Variants in CFAP58 observed in about 807,000 individuals in gnomAD.
CFAP58 encodes cilia- and flagella-associated protein 58.
Under a neutral mutation model 119.5 loss-of-function variants are expected in CFAP58, and 88 were observed. The ratio of observed to expected loss-of-function variants is 0.74; its 90% CI spans 0.62 to 0.88. The LOEUF is 0.88. CFAP58 is among the 40% of genes least tolerant of loss of function. The pLI is 0.00. For missense variants in CFAP58, 990 were observed against 1,021.2 expected, an observed-to-expected ratio of 0.97 and a Z score of 0.42; for synonymous variants, 365 against 366.3, an observed-to-expected ratio of 1.00 and a Z score of 0.04.
chr10:104,388,135 GAACACAA>G (rs1460513362), intron 9 of CFAP58, among the ~76,000 whole-genome samples: 1 of 152,116 alleles, frequency 6.6e-6, no homozygotes, highest in Non-Finnish European at 1.5e-5. Flanking sequence ...GGAATCAAGG[GAACACAA>G]ATTATAAGCT....
At chr10:104,372,224 G>A (rs2014833917) in intron 7 of CFAP58, among the ~76,000 whole-genome samples, 2 of 152,232 alleles carry the variant, frequency 1.3e-5, no homozygotes, top group South Asian at 4.2e-4. Context: ...ATGGTAGCGG[G>A]TGCCTGTAAT....
At chr10:104,397,487 G>A (rs1201769519) in intron 11 of CFAP58, among the ~76,000 whole-genome samples, 1 of 152,206 alleles carries the variant, frequency 6.6e-6, no homozygotes, top group African/African-American at 2.4e-5. Flanking sequence ...AGTCTGAGGT[G>A]TAGAATTAAT....
chr10:104,364,868 G>C lies in CFAP58; in HGVS notation c.576G>C (p.Glu192Asp). ...AGGAAACAGAGCGATCAAAAGAGGA[G>C]GCTGAACATGCCATCAGTCAGGTCT... ...QQQETERSKE[E>D]AEHAISQFQQ... The change falls in exon 4 of 18, where the codon GAG (glutamate) becomes GAC (aspartate). Residue 192 changes from glutamate to aspartate, a missense_variant. By Grantham distance (45) the Glu-to-Asp change is conservative. Transcript: ENST00000369704. The C allele has an allele frequency of 6.2e-7, 1 of 1,611,360 alleles. No homozygotes were observed. The highest frequency in any genetic ancestry group is 1.1e-5 in the South Asian group (1 of 90,846).
chr10:104,371,146 C>G, intron 7 of CFAP58, 92 bp downstream of exon 7: 1 of 1,242,444 alleles, frequency 8.0e-7, no homozygotes. Flanking sequence ...CCAAACACAA[C>G]CTATGCCAAA....
At chr10:104,361,762 T>A (rs2014668768) in intron 2 of CFAP58, among the ~76,000 whole-genome samples, 1 of 152,236 alleles carries the variant, frequency 6.6e-6, no homozygotes, top group Admixed American at 6.5e-5. Context: ...TGCAGCTCAC[T>A]GCAGCCTCAA....
rs112168082 is a variant in CFAP58, at chr10:104,392,264, G to A, written c.1397G>A (p.Arg466His). 5.8e-5 allele frequency: 93 copies of A among 1,611,712 alleles called. No individual in the cohort carries two copies. Among genetic ancestry groups the A allele is most frequent in the South Asian group, 1.1e-4 (10 of 90,512 alleles). Reference protein sequence around the residue: ...VLMNMEDIKVRETQIFDYRKK... With the variant: ...VLMNMEDIKVHETQIFDYRKK... ...ATGAACATGGAAGACATAAAAGTTC[G>A]TGAAACACAGATTTTTGACTACAGG... The change falls in exon 10 of 18, where the codon CGT becomes CAT. Residue 466 changes from arginine (R) to histidine (H), a missense_variant. Physicochemically the swap from Arg to His is conservative, Grantham distance 29. Coordinates refer to ENST00000369704, the MANE Select transcript of CFAP58 (RefSeq NM_001008723.2).
Position 104,389,884 on chromosome 10 carries a change from G to A in CFAP58, c.1366-2349G>A, listed in dbSNP as rs916061265. ...AAAGATATAGGCCTAGCTCACTTGGGAAAATGCATGCAGAATCCTAAATGA... is the reference window on the plus strand; with the variant it reads ...AAAGATATAGGCCTAGCTCACTTGGAAAAATGCATGCAGAATCCTAAATGA... On this transcript the variant is annotated intron_variant, in intron 9 of 17. Transcript: ENST00000369704. 4.6e-5 allele frequency among the ~76,000 whole-genome samples: 7 copies of A among 152,114 alleles called. 1 individual carries two copies. The highest frequency in any genetic ancestry group is 2.0e-4 in the Admixed American group (3 of 15,270).
upstream of CFAP58, among the ~76,000 whole-genome samples, chr10:104,352,843 A>G (rs1310870309): frequency 6.6e-6 from 1 of 152,268 alleles, no homozygotes; most frequent in Non-Finnish European, 1.5e-5. Flanking sequence ...AATCGCAACG[A>G]GGACAGATCC....
chr10:104,404,293 C>T (rs11192041), intron 14 of CFAP58, among the ~76,000 whole-genome samples: 4,709 of 152,220 alleles, frequency 0.031, 249 homozygotes, highest in African/African-American at 0.11. Context: ...GAAAGCATTG[C>T]GTTAGCCAAG....
chr10:104,375,218 A>G (rs1026901154), intron 7 of CFAP58, among the ~76,000 whole-genome samples: 2 of 150,482 alleles, frequency 1.3e-5, no homozygotes, highest in South Asian at 4.1e-4. Context: ...TTTGGGGTGT[A>G]TGTGTATTTA....
At position 104,405,740 on chromosome 10, in the gene CFAP58, G is replaced by A. The variant is rs116219632; in HGVS notation, c.2152-949G>A. On this transcript the variant is annotated intron_variant, in intron 14 of 17. Transcript: ENST00000369704. The stretch of plus-strand genomic sequence containing the variant: ...GAAGCGGTCCCCATCATAGACTGCA[G>A]TGAATCTTCCTGTTGACAATTACCA... Among the ~76,000 whole-genome samples, 474 of 152,360 alleles carry A rather than the reference G, an allele frequency of 3.1e-3. 1 individual carries two copies. The highest frequency in any genetic ancestry group is 0.011 in the African/African-American group (457 of 41,590).
chr10:104,421,344 T>G (rs1379380553), intron 15 of CFAP58, among the ~76,000 whole-genome samples: 1 of 152,198 alleles, frequency 6.6e-6, no homozygotes, highest in Admixed American at 6.5e-5. Flanking sequence ...AAGGAGGCAT[T>G]GCTCATCTGG....
intron 13 of CFAP58, among the ~76,000 whole-genome samples, chr10:104,403,464 A>G (rs1474885175): frequency 1.3e-5 from 2 of 149,776 alleles, no homozygotes; most frequent in East Asian, 3.9e-4. Context: ...ATACTTATAA[A>G]TTTATTGAGT....
chr10:104,418,366 G>A (rs11192048), intron 15 of CFAP58, among the ~76,000 whole-genome samples: 1 of 151,972 alleles, frequency 6.6e-6, no homozygotes, highest in African/African-American at 2.4e-5. Flanking sequence ...GGCTAACATG[G>A]TGAAACCCCA....
chr10:104,359,664 G>A (rs1173647653), intron 2 of CFAP58, among the ~76,000 whole-genome samples: 1 of 152,198 alleles, frequency 6.6e-6, no homozygotes, highest in Non-Finnish European at 1.5e-5. Context: ...GGGCGTGGTG[G>A]CATATGCCTG....
intron 11 of CFAP58, among the ~76,000 whole-genome samples, chr10:104,397,815 A>G (rs571596603): frequency 9.7e-4 from 148 of 152,312 alleles, no homozygotes; most frequent in African/African-American, 3.5e-3. Flanking sequence ...CCAGTTGGGC[A>G]TGGAACCTCT....
intron 15 of CFAP58, among the ~76,000 whole-genome samples, chr10:104,437,921 T>G (rs533467449): frequency 8.1e-4 from 124 of 152,322 alleles, no homozygotes; most frequent in African/African-American, 2.9e-3. Flanking sequence ...GCACAAACTT[T>G]ATATATCTTT....
In CFAP58 at chr10:104,453,218, A is replaced by G. The variant is rs141801989; in HGVS notation, c.2511-1204A>G. Among the ~76,000 whole-genome samples, 477 of 152,262 alleles carry G rather than the reference A, an allele frequency of 3.1e-3. 2 individuals are homozygous for G. The highest frequency in any genetic ancestry group is 0.011 in the African/African-American group (452 of 41,544). The stretch of plus-strand genomic sequence containing the variant: ...CAGTCAAGAGCCAGACGAGTTGCCA[A>G]AGTACAAGAAAGAATTTGTTTTGCT... On this transcript the variant is annotated intron_variant, in intron 17 of 17. Coordinates refer to ENST00000369704, the MANE Select transcript of CFAP58 (RefSeq NM_001008723.2).
intron 6 of CFAP58, 85 bp from the exon 7 acceptor site, chr10:104,370,809 CT>C (rs1376443404): frequency 2.5e-6 from 3 of 1,214,080 alleles, no homozygotes; most frequent in African/African-American, 1.6e-5. Context: ...GAAGAATTTC[CT>C]TTTATTGGTT....
Sources: gnomAD v4.1 joint callset for allele counts (sites outside exome capture counted in the v4.1 genomes callset) on GRCh38, gnomAD v4.1.1 for gene constraint, MANE v1.5 for transcripts, NCBI Gene and HGNC (gene_info 2026-07-23, HGNC 2026-07-21) for gene names.